Variants in CADM2 observed in about 807,000 individuals in gnomAD.
CADM2 encodes the protein immunoglobulin superfamily member 4D.
CADM2 carries 12 observed loss-of-function variants against 49.8 expected under a neutral mutation model. The ratio of observed to expected loss-of-function variants is 0.24; its 90% CI spans 0.15 to 0.39. The LOEUF (loss-of-function observed/expected upper bound fraction) is 0.39, where lower values mean the gene tolerates loss of function less well. Ranked by LOEUF, CADM2 falls within the 10% of genes least tolerant of loss-of-function variation. The probability of loss-of-function intolerance (pLI) is 1.00; values close to 1 mark genes in which losing one functional copy is unlikely to be tolerated. For missense variants in CADM2, 378 were observed against 492.3 expected (o/e 0.77, Z 2.20); for synonymous variants, 214 against 175.4 (o/e 1.22, Z -1.74).
chr3:85,423,769 T>C (rs1165001249), intron 1 of CADM2, among the ~76,000 whole-genome samples: 1 of 152,186 alleles, frequency 6.6e-6, no homozygotes, highest in African/African-American at 2.4e-5. Flanking sequence ...CTCTCAGTCT[T>C]AGTTTTATTT....
chr3:85,846,428 G>A (rs564583752), intron 3 of CADM2, among the ~76,000 whole-genome samples: 1 of 152,180 alleles, frequency 6.6e-6, no homozygotes, highest in South Asian at 2.1e-4. Context: ...TTTCTTATAT[G>A]CCAATTCCTA....
At chr3:85,227,998 T>A (rs1461551805) in intron 1 of CADM2, among the ~76,000 whole-genome samples, 1 of 151,224 alleles carries the variant, frequency 6.6e-6, no homozygotes, top group African/African-American at 2.4e-5. Flanking sequence ...TTTCTGCTGT[T>A]GTTCTTATGG....
intron 1 of CADM2, among the ~76,000 whole-genome samples, chr3:85,593,257 A>G (rs889108072): frequency 9.9e-5 from 15 of 151,984 alleles, no homozygotes; most frequent in African/African-American, 3.6e-4. Flanking sequence ...TACATGTGCC[A>G]TGTTGGTGTG....
intron 1 of CADM2, among the ~76,000 whole-genome samples, chr3:85,290,612 C>A (rs1389106326): frequency 1.1e-4 from 17 of 152,220 alleles, no homozygotes; most frequent in Admixed American, 1.0e-3. Flanking sequence ...AGACTGCCTC[C>A]TCAAGTGGGT....
intron 1 of CADM2, among the ~76,000 whole-genome samples, chr3:85,343,075 G>T (rs1478841790): frequency 6.6e-6 from 1 of 152,100 alleles, no homozygotes; most frequent in Non-Finnish European, 1.5e-5. Flanking sequence ...GCAATGTCTG[G>T]AAACATTTGT....
At chr3:85,120,919 G>A (rs1177158818) in intron 1 of CADM2, among the ~76,000 whole-genome samples, 4 of 152,134 alleles carry the variant, frequency 2.6e-5, no homozygotes, top group Non-Finnish European at 5.9e-5. Context: ...AATAAACAGG[G>A]AATTCTAGTG....
chr3:85,655,307 T>A (rs1437255030), intron 1 of CADM2, among the ~76,000 whole-genome samples: 3 of 152,012 alleles, frequency 2.0e-5, no homozygotes, highest in Non-Finnish European at 2.9e-5. Flanking sequence ...ACTCCAGGCA[T>A]CCGCCACCAC....
At chr3:85,947,886 T>A (rs1379588874) in intron 7 of CADM2, among the ~76,000 whole-genome samples, 1 of 151,488 alleles carries the variant, frequency 6.6e-6, no homozygotes, top group East Asian at 1.9e-4. Flanking sequence ...ATAGAGGAAA[T>A]GTACTTTTTG....
intron 1 of CADM2, among the ~76,000 whole-genome samples, chr3:85,156,702 G>A (rs2040136332): frequency 6.6e-6 from 1 of 152,116 alleles, no homozygotes; most frequent in Non-Finnish European, 1.5e-5. Flanking sequence ...AATAATAAGA[G>A]CTATCTATGA....
intron 1 of CADM2, among the ~76,000 whole-genome samples, chr3:85,198,973 A>C (rs2041416139): frequency 6.6e-6 from 1 of 151,688 alleles, no homozygotes; most frequent in Non-Finnish European, 1.5e-5. Context: ...TGTTGTCTTC[A>C]CTCCTCTCTA....
intron 5 of CADM2, among the ~76,000 whole-genome samples, chr3:85,895,062 G>C (rs1447247358): frequency 6.6e-6 from 1 of 152,200 alleles, no homozygotes; most frequent in Non-Finnish European, 1.5e-5. Context: ...GAGAGCCACT[G>C]TCCTTCAGAC....
At chr3:85,422,707 A>C (rs550720061) in intron 1 of CADM2, among the ~76,000 whole-genome samples, 45 of 152,108 alleles carry the variant, frequency 3.0e-4, no homozygotes, top group African/African-American at 1.1e-3. Context: ...GAAACGGGAG[A>C]GTTTCCTGAC....
chr3:85,602,406 G>A (rs1330992232), intron 1 of CADM2, among the ~76,000 whole-genome samples: 3 of 151,746 alleles, frequency 2.0e-5, no homozygotes, highest in Non-Finnish European at 4.4e-5. Context: ...TTGACTGAGA[G>A]AAAAATGGAA....
chr3:84,962,978 G>GT (rs200426900), intron 1 of CADM2, among the ~76,000 whole-genome samples: 49 of 152,112 alleles, frequency 3.2e-4, no homozygotes, highest in Non-Finnish European at 5.4e-4. Flanking sequence ...GATAAAATGA[G>GT]TTTTTTTTAA....
At chr3:85,686,782 T>G (rs138934322) in intron 1 of CADM2, among the ~76,000 whole-genome samples, 68 of 152,316 alleles carry the variant, frequency 4.5e-4, no homozygotes, top group African/African-American at 1.6e-3. Context: ...TCTCATTGCC[T>G]TCTTTGGAGA....
At chr3:85,290,695 G>A (rs913077364) in intron 1 of CADM2, among the ~76,000 whole-genome samples, 1 of 152,160 alleles carries the variant, frequency 6.6e-6, no homozygotes, top group African/African-American at 2.4e-5. Flanking sequence ...CCTCACATGG[G>A]CTGGTACTCC....
At chr3:85,632,351 T>C (rs1444582434) in intron 1 of CADM2, among the ~76,000 whole-genome samples, 1 of 152,048 alleles carries the variant, frequency 6.6e-6, no homozygotes, top group Non-Finnish European at 1.5e-5. Context: ...CCTTTGTAAA[T>C]TGCCCAGTCT....
chr3:85,893,005 G>A (rs937906009), intron 5 of CADM2, among the ~76,000 whole-genome samples: 2 of 152,170 alleles, frequency 1.3e-5, no homozygotes, highest in African/African-American at 4.8e-5. Context: ...TGGTCTCAGA[G>A]GGAGATGAGA....
chr3:85,206,383 C>CT, intron 1 of CADM2, among the ~76,000 whole-genome samples: 1 of 150,266 alleles, frequency 6.7e-6, no homozygotes, highest in Non-Finnish European at 1.5e-5. Context: ...TCTCGACTCA[C>CT]TGCAAGCTCC....
Sources: gnomAD v4.1 joint callset for allele counts (sites outside exome capture counted in the v4.1 genomes callset) on GRCh38, gnomAD v4.1.1 for gene constraint, MANE v1.5 for transcripts, NCBI Gene and HGNC (gene_info 2026-07-23, HGNC 2026-07-21) for gene names.